GPATCH2: variants seen among roughly 807,000 people sequenced by gnomAD.
GPATCH2 encodes G-patch domain containing 2.
In GPATCH2, 51 loss-of-function variants were observed where a neutral mutation model predicts 58.0. The ratio of observed to expected loss-of-function variants is 0.88; its 90% CI spans 0.70 to 1.11. The LOEUF is 1.11. GPATCH2 is among the 50% of genes most tolerant of loss of function. The pLI is 0.00. For synonymous variants in GPATCH2, 222 were observed against 218.5 expected, an observed-to-expected ratio of 1.02 and a Z score of -0.14; for missense variants, 625 against 652.2, an observed-to-expected ratio of 0.96 and a Z score of 0.45.
intron 5 of GPATCH2, among the ~76,000 whole-genome samples, chr1:217,527,494 T>G (rs1274184845): frequency 7.2e-6 from 1 of 138,828 alleles, no homozygotes. Flanking sequence ...TTTTTTTTTT[T>G]GACTAGGAGT....
intron 5 of GPATCH2, among the ~76,000 whole-genome samples, chr1:217,541,003 G>GT: frequency 6.6e-6 from 1 of 152,138 alleles, no homozygotes; most frequent in African/African-American, 2.4e-5. Flanking sequence ...TGTGACAACC[G>GT]TAACTCCAGT....
At chr1:217,539,438 T>G (rs1664625722) in intron 5 of GPATCH2, among the ~76,000 whole-genome samples, 1 of 152,192 alleles carries the variant, frequency 6.6e-6, no homozygotes, top group Admixed American at 6.5e-5. Context: ...ATTGTTCCCC[T>G]GGTACTGTAC....
chr1:217,470,595 T>C (rs142006242), intron 8 of GPATCH2, among the ~76,000 whole-genome samples: 24 of 152,286 alleles, frequency 1.6e-4, no homozygotes, highest in African/African-American at 5.8e-4. Flanking sequence ...GATCATTAGT[T>C]TAAAATCTTG....
rs114344973 is a variant in GPATCH2, at chr1:217,496,401, C to T, written c.1206+1955G>A. ...TTGTTTCAAGCTCTCATAGTATAAACAAGTGTATTTCTTGCAGTCTGTTTA... is the reference window on the plus strand; with the variant it reads ...TTGTTTCAAGCTCTCATAGTATAAATAAGTGTATTTCTTGCAGTCTGTTTA... On this transcript the variant is annotated intron_variant, in intron 7 of 9. Coordinates refer to ENST00000366935, the MANE Select transcript of GPATCH2 (RefSeq NM_018040.5). Among the ~76,000 whole-genome samples, 106 of 152,244 alleles carry T rather than the reference C, an allele frequency of 7.0e-4. 1 individual carries two copies. The highest frequency in any genetic ancestry group is 3.4e-3 in the Middle Eastern group (1 of 294).
chr1:217,446,227 C>T (rs955345773), intron 9 of GPATCH2, among the ~76,000 whole-genome samples: 3 of 151,964 alleles, frequency 2.0e-5, no homozygotes, highest in South Asian at 2.1e-4. Context: ...AAAGAAACTA[C>T]GAAAATATAT....
chr1:217,557,752 G>C (rs1665716539), intron 5 of GPATCH2, among the ~76,000 whole-genome samples: 2 of 152,022 alleles, frequency 1.3e-5, no homozygotes, highest in African/African-American at 4.8e-5. Context: ...CTTTTGCTTT[G>C]GACTCCTTGT....
rs568479614 is a variant in GPATCH2 at position 217,590,360 on chromosome 1, A to G, written c.1098+19961T>C. Among the ~76,000 whole-genome samples, 421 of 152,184 alleles carry G rather than the reference A, an allele frequency of 2.8e-3. 1 individual carries two copies. The highest frequency in any genetic ancestry group is 5.0e-3 in the Non-Finnish European group (341 of 68,004). On this transcript the variant is annotated intron_variant, in intron 5 of 9. Transcript: ENST00000366935. The stretch of plus-strand genomic sequence containing the variant: ...TTTTTAAACCTCCTGCTTGCTGATC[A>G]GGAAAACAGCTCAAAATGCAACCAT...
Position 217,429,136 on chromosome 1 carries a change from G to C in GPATCH2, c.*2009C>G, listed in dbSNP as rs1033765004. The stretch of plus-strand genomic sequence containing the variant: ...AACACCAAATTTTGAATAGACCCCA[G>C]AGCACAATACACTATCACAAAGAAG... On this transcript the variant is annotated 3_prime_UTR_variant, in exon 10 of 10. Coordinates refer to ENST00000366935, the MANE Select transcript of GPATCH2 (RefSeq NM_018040.5). 6.6e-6 allele frequency: 1 copy of C among 152,006 alleles called. No individual in the cohort carries two copies. The highest frequency in any genetic ancestry group is 6.6e-5 in the Admixed American group (1 of 15,248). The allele number at this position is 152,006 out of a possible 1,614,324, so 9.4% of individuals were successfully genotyped here.
At chr1:217,432,835 G>C (rs578176771) in intron 9 of GPATCH2, among the ~76,000 whole-genome samples, 1 of 151,996 alleles carries the variant, frequency 6.6e-6, no homozygotes, top group Non-Finnish European at 1.5e-5. Flanking sequence ...TTACACCAGG[G>C]CTCAAATTTA....
At chr1:217,599,077 G>A (rs1476929201) in intron 5 of GPATCH2, among the ~76,000 whole-genome samples, 1 of 152,196 alleles carries the variant, frequency 6.6e-6, no homozygotes, top group South Asian at 2.1e-4. Context: ...GTTGTGAACA[G>A]AGGTGTAAAA....
chr1:217,499,997 G>A (rs372838027), intron 6 of GPATCH2, among the ~76,000 whole-genome samples: 2 of 151,956 alleles, frequency 1.3e-5, no homozygotes, highest in African/African-American at 2.4e-5. Context: ...GTCAGACTTA[G>A]CTCTTTTTTA....
intron 5 of GPATCH2, among the ~76,000 whole-genome samples, chr1:217,524,918 G>A (rs534507369): frequency 0.016 from 153 of 9,826 alleles, 41 homozygotes; most frequent in East Asian, 0.1. Context: ...GGAGGGGGAG[G>A]GGGGAGAGGG....
chr1:217,519,824 C>T (rs747934161), intron 5 of GPATCH2, among the ~76,000 whole-genome samples: 22 of 152,096 alleles, frequency 1.4e-4, no homozygotes, highest in Non-Finnish European at 3.1e-4. Flanking sequence ...ACCTAATGTA[C>T]ATATAAAATT....
At chr1:217,564,849 T>G (rs1285323958) in intron 5 of GPATCH2, among the ~76,000 whole-genome samples, 1 of 152,234 alleles carries the variant, frequency 6.6e-6, no homozygotes, top group Non-Finnish European at 1.5e-5. Context: ...AACGTGCTGC[T>G]GGCTCTAAGT....
chr1:217,493,877 G>T (rs542640561), intron 7 of GPATCH2, among the ~76,000 whole-genome samples: 58 of 151,940 alleles, frequency 3.8e-4, no homozygotes, highest in African/African-American at 1.3e-3. Context: ...TAAGATAAAA[G>T]ACAGATACTT....
intron 5 of GPATCH2, among the ~76,000 whole-genome samples, chr1:217,561,572 C>A (rs910462549): frequency 6.6e-6 from 1 of 152,144 alleles, no homozygotes; most frequent in Non-Finnish European, 1.5e-5. Flanking sequence ...TCTTTTCAAA[C>A]TTTGATTTGT....
chr1:217,434,775 T>A (rs963562622), intron 9 of GPATCH2, among the ~76,000 whole-genome samples: 31 of 152,220 alleles, frequency 2.0e-4, no homozygotes, highest in Admixed American at 3.3e-4. Flanking sequence ...AATTGAAAAA[T>A]GTTGGTATTT....
At chr1:217,513,392 G>T (rs567295034) in intron 6 of GPATCH2, among the ~76,000 whole-genome samples, 1 of 152,138 alleles carries the variant, frequency 6.6e-6, no homozygotes, top group South Asian at 2.1e-4. Context: ...ATATCATTTT[G>T]CTATATCTGA....
intron 5 of GPATCH2, among the ~76,000 whole-genome samples, chr1:217,568,929 C>T (rs548726602): frequency 3.9e-5 from 6 of 152,054 alleles, no homozygotes; most frequent in Non-Finnish European, 5.9e-5. Context: ...GGTGCTAGAA[C>T]AAGAAGGTGG....
Sources: gnomAD v4.1 joint callset for allele counts (sites outside exome capture counted in the v4.1 genomes callset) on GRCh38, gnomAD v4.1.1 for gene constraint, MANE v1.5 for transcripts, NCBI Gene and HGNC (gene_info 2026-07-23, HGNC 2026-07-21) for gene names.